Variants in IQSEC1 observed in about 807,000 individuals in gnomAD.
IQSEC1 encodes the protein IQ motif and SEC7 domain-containing protein 1.
A neutral mutation model predicts 91.0 loss-of-function variants in IQSEC1; 31 were observed. That is an observed-to-expected ratio of 0.34 (90% CI 0.26 to 0.46). The LOEUF is 0.46. Among genes scored for constraint, IQSEC1 ranks in the 20% least tolerant of loss-of-function variants. IQSEC1 has a pLI of 1.00. For missense variants in IQSEC1, 1,388 were observed against 1,575.6 expected (o/e 0.88, Z 2.02); for synonymous variants, 699 against 662.6 (o/e 1.05, Z -0.84).
intron 1 of IQSEC1, among the ~76,000 whole-genome samples, chr3:12,985,479 C>T (rs985103910): frequency 3.1e-5 from 4 of 130,708 alleles, no homozygotes; most frequent in African/African-American, 1.2e-4. Flanking sequence ...CCGTTCTTTA[C>T]TGCTTAACAA....
chr3:12,942,974 C>A (rs1382528891), intron 1 of IQSEC1, among the ~76,000 whole-genome samples: 1 of 152,260 alleles, frequency 6.6e-6, no homozygotes, highest in Non-Finnish European at 1.5e-5. Flanking sequence ...AATTGTGTGA[C>A]AATAAATGTC....
intron 1 of IQSEC1, among the ~76,000 whole-genome samples, chr3:13,186,699 G>T (rs1187134031): frequency 6.6e-6 from 1 of 152,134 alleles, no homozygotes; most frequent in East Asian, 1.9e-4. Context: ...AGGAGGAGGG[G>T]ATGGCCAGAC....
chr3:13,109,247 G>C (rs1396010048), intron 2 of IQSEC1, among the ~76,000 whole-genome samples: 1 of 152,140 alleles, frequency 6.6e-6, no homozygotes, highest in Non-Finnish European at 1.5e-5. Context: ...GAGCAGCCGA[G>C]GCCCCCCTCC....
At chr3:12,982,172 C>T (rs909703586) in intron 1 of IQSEC1, among the ~76,000 whole-genome samples, 3 of 152,150 alleles carry the variant, frequency 2.0e-5, no homozygotes, top group Non-Finnish European at 4.4e-5. Context: ...CTCTTTTGCG[C>T]CCCATATTGG....
At chr3:12,987,391 T>C (rs974579155) in intron 1 of IQSEC1, among the ~76,000 whole-genome samples, 1 of 152,154 alleles carries the variant, frequency 6.6e-6, no homozygotes, top group African/African-American at 2.4e-5. Flanking sequence ...CACCTGGGAA[T>C]GGGTATATGT....
intron 1 of IQSEC1, among the ~76,000 whole-genome samples, chr3:13,188,733 C>T (rs1414573926): frequency 2.0e-5 from 3 of 152,212 alleles, no homozygotes; most frequent in Non-Finnish European, 4.4e-5. Context: ...TCACCGCAGG[C>T]CTGGAGCTGT....
intron 1 of IQSEC1, among the ~76,000 whole-genome samples, chr3:13,016,539 A>C (rs984270442): frequency 6.6e-6 from 1 of 152,114 alleles, no homozygotes; most frequent in Admixed American, 6.5e-5. Context: ...TGGCCCTGCC[A>C]CCACGGGGAC....
chr3:12,939,607 C>T (rs1698562738), intron 2 of IQSEC1, among the ~76,000 whole-genome samples: 1 of 152,176 alleles, frequency 6.6e-6, no homozygotes. Flanking sequence ...CTCAGTGGAC[C>T]ATCAAATGCT....
chr3:13,243,961 G>A (rs1695065990), intron 1 of IQSEC1, among the ~76,000 whole-genome samples: 1 of 152,220 alleles, frequency 6.6e-6, no homozygotes, highest in African/African-American at 2.4e-5. Context: ...GGCCACAAAA[G>A]CAGTTAGGAA....
At chr3:13,098,255 C>G (rs565183062) in intron 2 of IQSEC1, among the ~76,000 whole-genome samples, 1 of 152,344 alleles carries the variant, frequency 6.6e-6, no homozygotes, top group Admixed American at 6.5e-5. Flanking sequence ...CAGGGGCAGC[C>G]TGGCAATCAA....
intron 8 of IQSEC1, 82 bp downstream of exon 8, chr3:12,915,022 T>C: frequency 1.4e-6 from 2 of 1,427,728 alleles, no homozygotes; most frequent in Admixed American, 2.0e-5. Context: ...TCTGGGAGCC[T>C]GGGGAGCCGG....
intron 2 of IQSEC1, among the ~76,000 whole-genome samples, chr3:13,152,730 G>T (rs1165544356): frequency 2.6e-5 from 4 of 152,164 alleles, no homozygotes; most frequent in Non-Finnish European, 4.4e-5. Flanking sequence ...AATTAGCCGG[G>T]TGCGGTGGCT....
intron 1 of IQSEC1, among the ~76,000 whole-genome samples, chr3:13,044,598 G>A (rs1192039386): frequency 3.9e-5 from 6 of 152,238 alleles, no homozygotes; most frequent in Admixed American, 2.6e-4. Context: ...GGGCAGGCAG[G>A]GGAGAGGCGA....
chr3:12,907,222 A>G (rs1575855222), intron 12 of IQSEC1, among the ~76,000 whole-genome samples: 2 of 152,312 alleles, frequency 1.3e-5, no homozygotes, highest in South Asian at 4.1e-4. Context: ...AAATAATAAT[A>G]ATAATGACAA....
At chr3:13,253,051 G>T (rs1695225374) in intron 1 of IQSEC1, among the ~76,000 whole-genome samples, 1 of 152,192 alleles carries the variant, frequency 6.6e-6, no homozygotes, top group East Asian at 1.9e-4. Context: ...CTACGTTTTT[G>T]ATAGTAGCCA....
chr3:13,187,440 A>G (rs1693954878), intron 1 of IQSEC1, among the ~76,000 whole-genome samples: 1 of 152,182 alleles, frequency 6.6e-6, no homozygotes, highest in South Asian at 2.1e-4. Flanking sequence ...TTTGAATATG[A>G]CTTTAATATG....
chr3:12,935,846 C>G lies in IQSEC1; in HGVS notation c.1170G>C (p.Gln390His). ...DRSERGSLKR[Q>H]SAYERSLGGQ... ...CGCCAAGGCTGCGCTCGTAAGCACTCTGCCTCTTGAGTGACCCCCGCTCCG... is the reference window on the plus strand; with the variant it reads ...CGCCAAGGCTGCGCTCGTAAGCACTGTGCCTCTTGAGTGACCCCCGCTCCG... The change falls in exon 3 of 14, where the codon CAG (glutamine) becomes CAC (histidine). Residue 390 changes from glutamine to histidine, a missense_variant. Gln to His is a conservative substitution (Grantham distance 24). Coordinates refer to ENST00000613206, the MANE Select transcript of IQSEC1 (RefSeq NM_001134382.3). The surrounding 1 kb of genome is among the most constrained non-coding windows in gnomAD (Gnocchi z 8.0). 1 of 1,608,350 alleles carries G rather than the reference C, an allele frequency of 6.2e-7. No individual in the cohort carries two copies. Among genetic ancestry groups the G allele is most frequent in the African/African-American group, 1.3e-5 (1 of 75,038 alleles).
intron 1 of IQSEC1, among the ~76,000 whole-genome samples, chr3:13,234,577 T>C (rs77294366): frequency 0.03 from 4,602 of 152,138 alleles, 262 homozygotes; most frequent in African/African-American, 0.11. Flanking sequence ...CTGACACTAA[T>C]ACCTACTTAA....
chr3:13,027,307 C>T (rs771769078), intron 1 of IQSEC1, among the ~76,000 whole-genome samples: 7 of 152,188 alleles, frequency 4.6e-5, no homozygotes, highest in African/African-American at 1.2e-4. Context: ...ATATCCAGTG[C>T]GCAGGCAGGG....
Sources: allele counts gnomAD v4.1 joint callset (sites outside exome capture counted in the v4.1 genomes callset), GRCh38; gene constraint gnomAD v4.1.1; non-coding constraint Gnocchi (gnomAD v3.1); transcripts MANE v1.5; gene names NCBI Gene and HGNC (gene_info 2026-07-23, HGNC 2026-07-21).